TMEM132D: variants seen among roughly 807,000 people sequenced by gnomAD.
TMEM132D encodes mature OL transmembrane protein.
TMEM132D carries 21 observed loss-of-function variants against 62.3 expected under a neutral mutation model. That is an observed-to-expected ratio of 0.34 (90% CI 0.24 to 0.49). TMEM132D has a LOEUF of 0.49. Ranked by LOEUF, TMEM132D falls within the 20% of genes least tolerant of loss-of-function variation. The pLI, the probability that TMEM132D is intolerant of heterozygous loss-of-function variation, is 0.99. For missense variants in TMEM132D, 1,346 were observed against 1,402.8 expected (o/e 0.96, Z 0.65); for synonymous variants, 621 against 575.6 (o/e 1.08, Z -1.13).
At chr12:129,324,757 G>T (rs1397798127) in intron 4 of TMEM132D, among the ~76,000 whole-genome samples, 1 of 152,110 alleles carries the variant, frequency 6.6e-6, no homozygotes, top group East Asian at 1.9e-4. Context: ...GAACCTGGGA[G>T]GCAGAGGTTG....
chr12:129,495,170 A>G (rs1247724398), intron 3 of TMEM132D, among the ~76,000 whole-genome samples: 1 of 152,098 alleles, frequency 6.6e-6, no homozygotes, highest in African/African-American at 2.4e-5. Flanking sequence ...TTAAGATAAT[A>G]CAAAAGCTTG....
chr12:129,087,198 C>T (rs1365659984), intron 5 of TMEM132D, among the ~76,000 whole-genome samples: 1 of 152,072 alleles, frequency 6.6e-6, no homozygotes, highest in Non-Finnish European at 1.5e-5. Context: ...TGGACTTTTC[C>T]CGACGTATAA....
At chr12:129,131,345 G>A (rs371860717) in intron 5 of TMEM132D, among the ~76,000 whole-genome samples, 108 of 152,256 alleles carry the variant, frequency 7.1e-4, no homozygotes, top group African/African-American at 2.5e-3. Flanking sequence ...AGTAGCTCAC[G>A]CTTGTAATCC....
At chr12:129,894,535 C>T (rs1207896717) in intron 1 of TMEM132D, among the ~76,000 whole-genome samples, 1 of 152,176 alleles carries the variant, frequency 6.6e-6, no homozygotes. Context: ...ACTCTGGACT[C>T]CTAAGTCTCT....
intron 1 of TMEM132D, among the ~76,000 whole-genome samples, chr12:129,710,280 T>C (rs1404054947): frequency 6.6e-6 from 1 of 150,738 alleles, no homozygotes; most frequent in African/African-American, 2.5e-5. Context: ...TGGTCATTAT[T>C]AATTTTTATT....
intron 5 of TMEM132D, among the ~76,000 whole-genome samples, chr12:129,094,540 T>C (rs1565962174): frequency 6.6e-6 from 1 of 152,180 alleles, no homozygotes; most frequent in South Asian, 2.1e-4. Context: ...CAACAGGTGC[T>C]GGAGAGGATG....
chr12:129,495,824 T>C (rs1593037541), intron 3 of TMEM132D, among the ~76,000 whole-genome samples: 1 of 152,276 alleles, frequency 6.6e-6, no homozygotes, highest in East Asian at 1.9e-4. Flanking sequence ...TTCAGGTTCC[T>C]GGAGGGGAGG....
rs1869235279 is a variant in TMEM132D at position 129,335,219 on chromosome 12, C to A, written c.1299+2415G>T. On this transcript the variant is annotated intron_variant, in intron 4 of 8. Coordinates refer to ENST00000422113, the MANE Select transcript of TMEM132D (RefSeq NM_133448.3). Reference sequence around the variant, plus strand: ...CGTTCTTGGCTCACTGCAAGCTCCGCCTCCCAAGTTCAAACTATTCTCATG... The same window carrying A: ...CGTTCTTGGCTCACTGCAAGCTCCGACTCCCAAGTTCAAACTATTCTCATG... Among the ~76,000 whole-genome samples, 5 of 150,268 alleles carry A rather than the reference C, an allele frequency of 3.3e-5. No homozygotes were observed. The South Asian group carries it at 1.1e-3, about 32-fold the overall frequency.
rs1593165111 is a variant in TMEM132D, at chr12:129,796,676, C to A, written c.80-95978G>T. ...TTCTCACTCATAAGGGGGAGTTCAA[C>A]AATGAGAACACATGGACACAGGGAG... is the stretch of plus-strand genomic sequence containing the variant. On this transcript the variant is annotated intron_variant, in intron 1 of 8. Transcript: ENST00000422113. 2.0e-5 allele frequency among the ~76,000 whole-genome samples: 3 copies of A among 152,086 alleles called. No homozygotes were observed. In the Middle Eastern group the frequency reaches 0.01, roughly 517 times the overall value.
intron 3 of TMEM132D, among the ~76,000 whole-genome samples, chr12:129,377,883 A>G (rs1003931792): frequency 6.6e-6 from 1 of 152,144 alleles, no homozygotes; most frequent in Admixed American, 6.5e-5. Context: ...TTACTTTTCT[A>G]TGGTTAAATA....
rs769319270 is a variant in TMEM132D at position 129,774,182 on chromosome 12, C to A, written c.80-73484G>T. Among the ~76,000 whole-genome samples, 12 of 152,132 alleles carry A rather than the reference C, an allele frequency of 7.9e-5. 1 individual carries two copies. In the South Asian group the frequency reaches 1.9e-3, roughly 24 times the overall value. On this transcript the variant is annotated intron_variant, in intron 1 of 8. Transcript: ENST00000422113. ...GACCAGGGGTGTGTCCCAGGCCCCC[C>A]CAAAGAAGGGGCAGTTTATTAATGG... is the stretch of plus-strand genomic sequence containing the variant.
chr12:129,640,002 G>T (rs1389623491), intron 2 of TMEM132D, among the ~76,000 whole-genome samples: 1 of 152,090 alleles, frequency 6.6e-6, no homozygotes, highest in Non-Finnish European at 1.5e-5. Context: ...ACATAATGCA[G>T]AATGCTGCCA....
chr12:129,130,194 G>C (rs886067606), intron 5 of TMEM132D, among the ~76,000 whole-genome samples: 2 of 152,070 alleles, frequency 1.3e-5, no homozygotes, highest in Non-Finnish European at 2.9e-5. Flanking sequence ...CTGCTGGAGG[G>C]TGACACCCTG....
At chr12:129,494,653 T>G (rs913865685) in intron 3 of TMEM132D, among the ~76,000 whole-genome samples, 4 of 152,128 alleles carry the variant, frequency 2.6e-5, no homozygotes, top group African/African-American at 9.7e-5. Context: ...TTGATACTAC[T>G]CTATAGTAAT....
chr12:129,729,545 T>C (rs1260704943), intron 1 of TMEM132D, among the ~76,000 whole-genome samples: 1 of 152,182 alleles, frequency 6.6e-6, no homozygotes, highest in Non-Finnish European at 1.5e-5. Flanking sequence ...TTTTCTTTCT[T>C]GCCAAAGATT....
chr12:129,177,211 C>T (rs980783077), intron 5 of TMEM132D, among the ~76,000 whole-genome samples: 1 of 152,108 alleles, frequency 6.6e-6, no homozygotes, highest in Non-Finnish European at 1.5e-5. Flanking sequence ...GAAGTCAGTG[C>T]GTTCATCTAT....
chr12:129,369,918 A>G (rs2135680183), intron 3 of TMEM132D, among the ~76,000 whole-genome samples: 1 of 152,320 alleles, frequency 6.6e-6, no homozygotes, highest in African/African-American at 2.4e-5. Flanking sequence ...GGGATCTCAA[A>G]TTCAAATGCT....
intron 3 of TMEM132D, among the ~76,000 whole-genome samples, chr12:129,377,033 G>A (rs1402631653): frequency 6.6e-6 from 1 of 152,182 alleles, no homozygotes; most frequent in Non-Finnish European, 1.5e-5. Context: ...GTTTGAAGCT[G>A]CCCAATTCAT....
At chr12:129,236,709 T>C (rs1879796506) in intron 4 of TMEM132D, among the ~76,000 whole-genome samples, 1 of 152,106 alleles carries the variant, frequency 6.6e-6, no homozygotes, top group South Asian at 2.1e-4. Flanking sequence ...TTTGAATGCC[T>C]TTTGTTTTTT....
Sources: gnomAD v4.1 joint callset for allele counts (sites outside exome capture counted in the v4.1 genomes callset) on GRCh38, gnomAD v4.1.1 for gene constraint, MANE v1.5 for transcripts, NCBI Gene and HGNC (gene_info 2026-07-23, HGNC 2026-07-21) for gene names.